Variants in PARD3B observed in about 807,000 individuals in gnomAD.
PARD3B encodes the protein par-3 family cell polarity regulator beta.
Under a neutral mutation model 130.2 loss-of-function variants are expected in PARD3B, and 103 were observed. The observed-to-expected ratio is 0.79, with a 90% CI of 0.67 to 0.93. PARD3B has a LOEUF of 0.93. Among genes scored for constraint, PARD3B ranks in the 40% least tolerant of loss-of-function variants. The pLI is 0.00. For missense variants in PARD3B, 1,609 were observed against 1,499.2 expected, an observed-to-expected ratio of 1.07 and a Z score of -1.21; for synonymous variants, 583 against 553.2, an observed-to-expected ratio of 1.05 and a Z score of -0.76.
chr2:204,557,817 T>C (rs1285449077), intron 1 of PARD3B, among the ~76,000 whole-genome samples: 4 of 152,224 alleles, frequency 2.6e-5, no homozygotes, highest in Admixed American at 2.0e-4. Flanking sequence ...TTCTGACAGG[T>C]TGACTTGCTT....
In PARD3B at chr2:205,460,238, A is replaced by G. The variant is rs987451424; in HGVS notation, c.3044+19566A>G. ...TTTGAGTCTAAATGCAGCTTTGAGGATATGCAGTTCGTAAATTTCCTACTG... is the reference window on the plus strand; with the variant it reads ...TTTGAGTCTAAATGCAGCTTTGAGGGTATGCAGTTCGTAAATTTCCTACTG... On this transcript the variant is annotated intron_variant, in intron 20 of 22. Transcript: ENST00000406610. The surrounding 1 kb of genome is among the most constrained non-coding windows in gnomAD (Gnocchi z 4.9). Among the ~76,000 whole-genome samples the G allele has an allele frequency of 2.0e-5, 3 of 152,302 alleles. No individual in the cohort carries two copies. In the East Asian group the frequency reaches 5.8e-4, roughly 29 times the overall value.
rs974711179 is a variant in PARD3B at position 205,618,181 on chromosome 2, A to C, written c.*2368A>C. The C allele has an allele frequency of 6.6e-6, 1 of 152,240 alleles. No individual in the cohort carries two copies. Among genetic ancestry groups the C allele is most frequent in the African/African-American group, 2.4e-5 (1 of 41,464 alleles). The allele number at this position is 152,240 out of a possible 1,614,324, so 9.4% of individuals were successfully genotyped here. The stretch of plus-strand genomic sequence containing the variant: ...GTGATGTGAAGGTACTATTAAAGTG[A>C]ACAAAAACTAGATTGCAACAGTTTT... On this transcript the variant is annotated 3_prime_UTR_variant, in exon 23 of 23. Coordinates refer to ENST00000406610, the MANE Select transcript of PARD3B (RefSeq NM_001302769.2).
intron 3 of PARD3B, among the ~76,000 whole-genome samples, chr2:205,005,190 CAGAG>C (rs1350136749): frequency 6.6e-6 from 1 of 151,848 alleles, no homozygotes; most frequent in Non-Finnish European, 1.5e-5. Flanking sequence ...CATATACACA[CAGAG>C]AGAAAGTATA....
chr2:205,054,291 G>A (rs1444740814), intron 4 of PARD3B, among the ~76,000 whole-genome samples: 1 of 150,466 alleles, frequency 6.6e-6, no homozygotes, highest in African/African-American at 2.4e-5. Flanking sequence ...CTATTTAGGT[G>A]TGTGCTCCCC....
chr2:204,568,070 G>A (rs2031782155), intron 1 of PARD3B, among the ~76,000 whole-genome samples: 1 of 152,156 alleles, frequency 6.6e-6, no homozygotes, highest in African/African-American at 2.4e-5. Context: ...TCTGTGAAAT[G>A]ACAAATCAAA....
intron 2 of PARD3B, among the ~76,000 whole-genome samples, chr2:204,790,371 A>T (rs750846892): frequency 3.0e-4 from 46 of 152,332 alleles, no homozygotes; most frequent in South Asian, 6.2e-4. Context: ...TAGTCTCTTC[A>T]ATTGAAGTTA....
intron 3 of PARD3B, among the ~76,000 whole-genome samples, chr2:205,003,441 C>T (rs1479123286): frequency 6.6e-6 from 1 of 152,154 alleles, no homozygotes; most frequent in Non-Finnish European, 1.5e-5. Flanking sequence ...TCTCTGACCT[C>T]ATGCCCTACT....
intron 15 of PARD3B, among the ~76,000 whole-genome samples, chr2:205,226,497 A>G (rs367701318): frequency 6.6e-6 from 1 of 152,116 alleles, no homozygotes; most frequent in Admixed American, 6.5e-5. Context: ...GGGGTTTTAT[A>G]TGTAAGTATT....
chr2:204,883,434 A>C (rs866718234), intron 2 of PARD3B, among the ~76,000 whole-genome samples: 1 of 104,484 alleles, frequency 9.6e-6, no homozygotes, highest in East Asian at 2.5e-4. Flanking sequence ...ATATATATAA[A>C]ATATATATAT....
intron 2 of PARD3B, among the ~76,000 whole-genome samples, chr2:204,693,799 C>G (rs942691629): frequency 2.6e-5 from 4 of 151,838 alleles, no homozygotes; most frequent in Admixed American, 6.6e-5. Context: ...TCTTAATGTT[C>G]CGGTTGTCTG....
chr2:204,836,085 G>A (rs960931255), intron 2 of PARD3B, among the ~76,000 whole-genome samples: 1 of 152,186 alleles, frequency 6.6e-6, no homozygotes, highest in Non-Finnish European at 1.5e-5. Context: ...CTTTCAACAT[G>A]AATGAAGTGT....
intron 18 of PARD3B, among the ~76,000 whole-genome samples, chr2:205,359,583 C>T (rs2044315403): frequency 6.6e-6 from 1 of 152,140 alleles, no homozygotes; most frequent in African/African-American, 2.4e-5. Context: ...TTACCCTCTG[C>T]ATGTAGTGAC....
intron 19 of PARD3B, among the ~76,000 whole-genome samples, chr2:205,427,959 T>C (rs1481936798): frequency 6.6e-6 from 1 of 152,242 alleles, no homozygotes; most frequent in Non-Finnish European, 1.5e-5. Flanking sequence ...GAATGTTTTT[T>C]TCGCCATCCC....
chr2:205,312,304 G>C lies in PARD3B; in HGVS notation c.2630+10603G>C, dbSNP rs147975105. Among the ~76,000 whole-genome samples, 13 of 152,302 alleles carry C rather than the reference G, an allele frequency of 8.5e-5. No individual in the cohort carries two copies. In the East Asian group the frequency reaches 2.5e-3, roughly 29 times the overall value. On this transcript the variant is annotated intron_variant, in intron 18 of 22. Transcript: ENST00000406610. ...AAGGCAAAAGGCCAACAACAGGCTA[G>C]AGTTAAGGTGCTTTGCTTCATGAAG...
At chr2:205,030,112 A>G (rs542816929) in intron 3 of PARD3B, among the ~76,000 whole-genome samples, 1 of 152,284 alleles carries the variant, frequency 6.6e-6, no homozygotes, top group South Asian at 2.1e-4. Context: ...AATGCTGATC[A>G]TGACCCTTTA....
At chr2:204,614,851 T>G (rs2125120561) in intron 1 of PARD3B, among the ~76,000 whole-genome samples, 1 of 152,320 alleles carries the variant, frequency 6.6e-6, no homozygotes, top group Non-Finnish European at 1.5e-5. Context: ...AAGCAGATGC[T>G]TGTGTTATGC....
At chr2:204,836,330 A>G (rs2044030191) in intron 2 of PARD3B, among the ~76,000 whole-genome samples, 1 of 152,210 alleles carries the variant, frequency 6.6e-6, no homozygotes, top group Non-Finnish European at 1.5e-5. Flanking sequence ...ATTCATAAAC[A>G]TACAAAATAG....
intron 21 of PARD3B, among the ~76,000 whole-genome samples, chr2:205,505,148 C>T (rs923727431): frequency 2.6e-5 from 4 of 151,856 alleles, no homozygotes; most frequent in Admixed American, 2.0e-4. Context: ...GGACAGAAAA[C>T]CAAACACCGC....
intron 2 of PARD3B, among the ~76,000 whole-genome samples, chr2:204,962,361 T>G (rs1690815934): frequency 6.6e-6 from 1 of 152,124 alleles, no homozygotes; most frequent in Non-Finnish European, 1.5e-5. Context: ...GAGGTGTCAG[T>G]GGAAGTTCTT....
Sources: allele counts gnomAD v4.1 joint callset (sites outside exome capture counted in the v4.1 genomes callset), GRCh38; gene constraint gnomAD v4.1.1; non-coding constraint Gnocchi (gnomAD v3.1); transcripts MANE v1.5; gene names NCBI Gene and HGNC (gene_info 2026-07-23, HGNC 2026-07-21).